The following CNTN5 variants were observed in gnomAD, a reference collection of about 807,000 sequenced individuals.
CNTN5 encodes the protein contactin-5.
Under a neutral mutation model 129.1 loss-of-function variants are expected in CNTN5, and 77 were observed. That is an observed-to-expected ratio of 0.60 (90% confidence interval 0.50 to 0.72). The LOEUF is 0.72. Ranked by LOEUF, CNTN5 falls within the 30% of genes least tolerant of loss-of-function variation. The pLI, the probability that CNTN5 is intolerant of heterozygous loss-of-function variation, is 0.00. For missense variants in CNTN5, 1,478 were observed against 1,328.8 expected (o/e 1.11, Z -1.75); for synonymous variants, 509 against 465.6 (o/e 1.09, Z -1.20).
chr11:99,226,370 A>G (rs1860686349), intron 1 of CNTN5, among the ~76,000 whole-genome samples: 1 of 152,214 alleles, frequency 6.6e-6, no homozygotes, highest in African/African-American at 2.4e-5. Flanking sequence ...GTTTAAAAAT[A>G]CAGGTCAAAT....
chr11:99,940,407 C>T (rs1950409106), intron 7 of CNTN5, among the ~76,000 whole-genome samples: 1 of 152,052 alleles, frequency 6.6e-6, no homozygotes, highest in Non-Finnish European at 1.5e-5. Flanking sequence ...AGGCATAGAC[C>T]ATGAGCCTTT....
At chr11:99,406,513 G>C (rs544889728) in intron 2 of CNTN5, among the ~76,000 whole-genome samples, 58 of 151,964 alleles carry the variant, frequency 3.8e-4, no homozygotes, top group Non-Finnish European at 7.2e-4. Flanking sequence ...AAGCCAGCAC[G>C]GTATTGAGTC....
chr11:100,100,557 G>A (rs934655622), intron 13 of CNTN5, among the ~76,000 whole-genome samples: 3 of 152,034 alleles, frequency 2.0e-5, no homozygotes, highest in Non-Finnish European at 4.4e-5. Context: ...GCTGGCATCT[G>A]TAGACTATTT....
intron 2 of CNTN5, among the ~76,000 whole-genome samples, chr11:99,485,933 CT>C (rs1786173801): frequency 6.6e-6 from 1 of 151,934 alleles, no homozygotes; most frequent in African/African-American, 2.4e-5. Context: ...TAATCATGGA[CT>C]AATAATTACA....
In CNTN5 at chr11:99,250,683, G is replaced by A. The variant is rs1862053162; in HGVS notation, c.-209-74663G>A. On this transcript the variant is annotated intron_variant, in intron 1 of 24. Transcript: ENST00000524871. ...GAAACAGTCATCTATGGAAGGCGAT[G>A]TTTCCATAGATGACTGATTATACTT... Among the ~76,000 whole-genome samples, 3 of 151,806 alleles carry A rather than the reference G, an allele frequency of 2.0e-5. 1 individual carries two copies. In the South Asian group the frequency reaches 6.2e-4, roughly 31 times the overall value.
chr11:99,803,611 C>T (rs1946179781), intron 3 of CNTN5, among the ~76,000 whole-genome samples: 1 of 152,154 alleles, frequency 6.6e-6, no homozygotes, highest in Non-Finnish European at 1.5e-5. Context: ...CTGTTTTGGA[C>T]AAGGGAGAAC....
intron 4 of CNTN5, among the ~76,000 whole-genome samples, chr11:99,841,664 A>T (rs1446250910): frequency 2.0e-5 from 3 of 151,434 alleles, no homozygotes; most frequent in Admixed American, 2.0e-4. Flanking sequence ...GGAGAAGGAG[A>T]ATGAAGAAGG....
intron 8 of CNTN5, among the ~76,000 whole-genome samples, chr11:99,980,117 ATTAAT>A (rs1285248327): frequency 6.6e-6 from 1 of 151,340 alleles, no homozygotes; most frequent in African/African-American, 2.4e-5. Context: ...CATTTTAGGT[ATTAAT>A]TTCTCTCTGG....
chr11:99,822,671 A>T (rs1946837645), intron 4 of CNTN5, among the ~76,000 whole-genome samples: 1 of 152,196 alleles, frequency 6.6e-6, no homozygotes, highest in African/African-American at 2.4e-5. Flanking sequence ...ATCTCAACTT[A>T]CTGATACTTT....
intron 3 of CNTN5, among the ~76,000 whole-genome samples, chr11:99,574,682 T>C (rs1428809819): frequency 1.3e-5 from 2 of 152,218 alleles, no homozygotes; most frequent in African/African-American, 4.8e-5. Context: ...TTTTTTCATA[T>C]CTTTGTTGGC....
intron 1 of CNTN5, among the ~76,000 whole-genome samples, chr11:99,183,937 C>T (rs1858211293): frequency 6.6e-6 from 1 of 152,004 alleles, no homozygotes; most frequent in Non-Finnish European, 1.5e-5. Flanking sequence ...CAATGTTATC[C>T]TGTTCCTTAT....
intron 3 of CNTN5, among the ~76,000 whole-genome samples, chr11:99,766,995 G>C (rs989498022): frequency 1.2e-4 from 18 of 152,002 alleles, no homozygotes; most frequent in Admixed American, 5.9e-4. Context: ...TCCTTTCTGT[G>C]GCTTGCTATC....
At chr11:99,594,402 T>C (rs1329951932) in intron 3 of CNTN5, among the ~76,000 whole-genome samples, 2 of 152,170 alleles carry the variant, frequency 1.3e-5, no homozygotes, top group Non-Finnish European at 2.9e-5. Flanking sequence ...GGACAAAGCT[T>C]GCACTCAGAA....
chr11:99,793,213 C>T (rs560101868), intron 3 of CNTN5, among the ~76,000 whole-genome samples: 2 of 152,220 alleles, frequency 1.3e-5, no homozygotes, highest in Admixed American at 6.5e-5. Context: ...GCACCTGCCA[C>T]CACGCCCAAC....
intron 18 of CNTN5, among the ~76,000 whole-genome samples, chr11:100,286,446 C>A (rs1478975945): frequency 6.6e-6 from 1 of 151,356 alleles, no homozygotes; most frequent in African/African-American, 2.4e-5. Flanking sequence ...GGGTCCCTGA[C>A]CCCTGACCCC....
intron 10 of CNTN5, 71 bp from the exon 11 acceptor site, chr11:100,070,353 A>C: frequency 6.9e-7 from 1 of 1,455,522 alleles, no homozygotes; most frequent in Non-Finnish European, 9.3e-7. Context: ...GAATTTTTCC[A>C]TGTAAATTTT....
chr11:100,347,830 G>A (rs1045356924), intron 23 of CNTN5, among the ~76,000 whole-genome samples: 1 of 152,062 alleles, frequency 6.6e-6, no homozygotes, highest in African/African-American at 2.4e-5. Flanking sequence ...ATGCTCAGCA[G>A]AGGAATAGGC....
chr11:99,394,495 G>T (rs565658261), intron 2 of CNTN5, among the ~76,000 whole-genome samples: 179 of 150,916 alleles, frequency 1.2e-3, no homozygotes, highest in Non-Finnish European at 2.2e-3. Context: ...TGGTTTATGA[G>T]AAACTATTAT....
intron 1 of CNTN5, among the ~76,000 whole-genome samples, chr11:99,033,667 G>T (rs1298671913): frequency 2.7e-5 from 4 of 150,756 alleles, no homozygotes; most frequent in East Asian, 1.9e-4. Flanking sequence ...GGAGATTTTG[G>T]GCTGAGACAA....
Sources: allele counts gnomAD v4.1 joint callset (sites outside exome capture counted in the v4.1 genomes callset), GRCh38; gene constraint gnomAD v4.1.1; transcripts MANE v1.5; gene names NCBI Gene and HGNC (gene_info 2026-07-23, HGNC 2026-07-21).